The following CFH variants were observed in gnomAD, a reference collection of about 807,000 sequenced individuals.
CFH encodes the protein H factor 1 (complement).
CFH carries 53 observed loss-of-function variants against 147.3 expected under a neutral mutation model. The observed-to-expected ratio is 0.36, with a 90% CI of 0.29 to 0.45. The LOEUF (loss-of-function observed/expected upper bound fraction) is 0.45. CFH is among the 20% of genes least tolerant of loss of function. The pLI is 1.00. For synonymous variants in CFH, 536 were observed against 489.4 expected, an observed-to-expected ratio of 1.10 and a Z score of -1.26; for missense variants, 1,380 against 1,498.0, an observed-to-expected ratio of 0.92 and a Z score of 1.30.
intron 9 of CFH, among the ~76,000 whole-genome samples, chr1:196,692,599 CTTCT>C (rs962520573): frequency 3.7e-5 from 2 of 54,012 alleles, no homozygotes; most frequent in African/African-American, 1.4e-4. Flanking sequence ...CCTTCTCTTC[CTTCT>C]TTCTTTTTCT....
intron 5 of CFH, chr1:196,679,416 C>T (rs913951614): frequency 4.2e-5 from 18 of 425,894 alleles, no homozygotes; most frequent in Middle Eastern, 6.8e-4. Flanking sequence ...TATCCTGAAA[C>T]TAAATAAAAT....
At chr1:196,662,145 CTGAT>C (rs1187629922) in intron 1 of CFH, among the ~76,000 whole-genome samples, 1 of 152,204 alleles carries the variant, frequency 6.6e-6, no homozygotes, top group Non-Finnish European at 1.5e-5. Context: ...TTAAAGTCAA[CTGAT>C]TGGGAGTGTA....
intron 7 of CFH, among the ~76,000 whole-genome samples, chr1:196,685,851 C>T (rs760478431): frequency 3.9e-5 from 6 of 151,994 alleles, no homozygotes; most frequent in Admixed American, 1.3e-4. Flanking sequence ...ATAGAGGAAG[C>T]CACAATACCA....
chr1:196,725,791 T>C lies in CFH; in HGVS notation c.1873+494T>C, dbSNP rs374591449. On this transcript the variant is annotated intron_variant, in intron 12 of 21. Transcript: ENST00000367429. ...AAGAACCAGCTCTTCCAGGAGCTAA[T>C]AGAGTGAGAACTCACCCTGAGAGGG... is the stretch of plus-strand genomic sequence containing the variant. Among the ~76,000 whole-genome samples, 18 of 152,232 alleles carry C rather than the reference T, an allele frequency of 1.2e-4. No individual in the cohort carries two copies. In the East Asian group the frequency reaches 3.3e-3, roughly 28 times the overall value.
Position 196,725,786 on chromosome 1 carries a change from G to A in CFH, c.1873+489G>A, listed in dbSNP as rs749217087. On this transcript the variant is annotated intron_variant, in intron 12 of 21. Transcript: ENST00000367429. ...TTTTTAAGAACCAGCTCTTCCAGGA[G>A]CTAATAGAGTGAGAACTCACCCTGA... is the stretch of plus-strand genomic sequence containing the variant. 3.4e-4 allele frequency among the ~76,000 whole-genome samples: 52 copies of A among 152,182 alleles called. No individual in the cohort carries two copies. The Middle Eastern group carries it at 0.014, about 40-fold the overall frequency.
chr1:196,743,924 T>A (rs430173), intron 20 of CFH, among the ~76,000 whole-genome samples: 8,543 of 151,894 alleles, frequency 0.056, 598 homozygotes, highest in African/African-American at 0.19. Context: ...TATGTGCATT[T>A]GACAGCCATA....
intron 1 of CFH, among the ~76,000 whole-genome samples, chr1:196,657,995 C>A (rs1292236049): frequency 6.6e-6 from 1 of 151,840 alleles, no homozygotes; most frequent in African/African-American, 2.4e-5. Flanking sequence ...GTAATTAGTT[C>A]TATGTTTGTA....
chr1:196,683,703 A>G (rs1667731022), intron 6 of CFH, among the ~76,000 whole-genome samples: 1 of 151,786 alleles, frequency 6.6e-6, no homozygotes, highest in Non-Finnish European at 1.5e-5. Flanking sequence ...ACACTTTACC[A>G]CTGAAGACTA....
intron 10 of CFH, among the ~76,000 whole-genome samples, chr1:196,714,473 T>C (rs1382213034): frequency 6.6e-6 from 1 of 150,570 alleles, no homozygotes; most frequent in Non-Finnish European, 1.5e-5. Context: ...TGTTGTATGA[T>C]TTCCCTACCA....
At chr1:196,736,326 C>A (rs955300713) in intron 15 of CFH, among the ~76,000 whole-genome samples, 5 of 151,980 alleles carry the variant, frequency 3.3e-5, no homozygotes, top group Non-Finnish European at 7.4e-5. Context: ...TTATATTGGT[C>A]AAGTGTCAGT....
At chr1:196,706,003 C>T (rs1198407318) in intron 9 of CFH, among the ~76,000 whole-genome samples, 1 of 152,000 alleles carries the variant, frequency 6.6e-6, no homozygotes, top group Non-Finnish European at 1.5e-5. Context: ...CCTTTAAAAA[C>T]CTGGACTTAA....
At chr1:196,676,566 C>A (rs1354501030) in intron 4 of CFH, among the ~76,000 whole-genome samples, 1 of 152,026 alleles carries the variant, frequency 6.6e-6, no homozygotes, top group Non-Finnish European at 1.5e-5. Flanking sequence ...GTCTGTAAAG[C>A]AAACAGTGAA....
At chr1:196,705,227 A>G (rs1394645871) in intron 9 of CFH, among the ~76,000 whole-genome samples, 1 of 151,902 alleles carries the variant, frequency 6.6e-6, no homozygotes, top group African/African-American at 2.4e-5. Flanking sequence ...ATGGGGATCC[A>G]AAGTATCCAA....
At chr1:196,739,267 C>T (rs1390025478) in intron 17 of CFH, among the ~76,000 whole-genome samples, 1 of 152,180 alleles carries the variant, frequency 6.6e-6, no homozygotes, top group Non-Finnish European at 1.5e-5. Flanking sequence ...TTAACTTTGG[C>T]TCCTTATTAT....
Position 196,657,500 on chromosome 1 carries a change from G to A in CFH, c.58+5325G>A, listed in dbSNP as rs146499411. Among the ~76,000 whole-genome samples, 138 of 152,158 alleles carry A rather than the reference G, an allele frequency of 9.1e-4. 1 individual carries two copies. Among genetic ancestry groups the A allele is most frequent in the Admixed American group, 3.7e-3 (57 of 15,286 alleles). ...GGAAAAACTGACTTTTCGTACATGCGGTTTCCAGAGAGCCAAATGTAGAAT... is the reference window on the plus strand; with the variant it reads ...GGAAAAACTGACTTTTCGTACATGCAGTTTCCAGAGAGCCAAATGTAGAAT... On this transcript the variant is annotated intron_variant, in intron 1 of 21. Transcript: ENST00000367429.
intron 15 of CFH, among the ~76,000 whole-genome samples, chr1:196,729,419 C>T (rs1213550291): frequency 6.6e-6 from 1 of 151,904 alleles, no homozygotes; most frequent in African/African-American, 2.4e-5. Flanking sequence ...GTTAAACGAC[C>T]TTTACATTTC....
At chr1:196,675,169 G>C (rs1305343833) in intron 3 of CFH, among the ~76,000 whole-genome samples, 1 of 152,114 alleles carries the variant, frequency 6.6e-6, no homozygotes, top group East Asian at 1.9e-4. Flanking sequence ...TGGCTAAGGA[G>C]ATAAAAATGT....
intron 1 of CFH, among the ~76,000 whole-genome samples, chr1:196,662,001 G>T (rs1666926798): frequency 6.6e-6 from 1 of 152,178 alleles, no homozygotes; most frequent in Non-Finnish European, 1.5e-5. Flanking sequence ...TTACAGACAG[G>T]ATGGAACTCA....
chr1:196,715,530 G>A, intron 10 of CFH, 63 bp from the exon 11 acceptor site: 2 of 1,301,084 alleles, frequency 1.5e-6, no homozygotes, highest in Admixed American at 1.7e-5. Flanking sequence ...CTTAGAATGG[G>A]AAATACTCAG....
Sources: gnomAD v4.1 joint callset for allele counts (sites outside exome capture counted in the v4.1 genomes callset) on GRCh38, gnomAD v4.1.1 for gene constraint, MANE v1.5 for transcripts, NCBI Gene and HGNC (gene_info 2026-07-23, HGNC 2026-07-21) for gene names.